PCDHA2: variants seen among roughly 807,000 people sequenced by gnomAD.
PCDHA2 encodes protocadherin alpha-2.
PCDHA2 carries 58 observed loss-of-function variants against 66.0 expected under a neutral mutation model. That is an observed-to-expected ratio of 0.88 (90% CI 0.71 to 1.09). The LOEUF (loss-of-function observed/expected upper bound fraction) is 1.09. PCDHA2 is among the 50% of genes least tolerant of loss of function. PCDHA2 has a pLI of 0.00. For missense variants in PCDHA2, 1,267 were observed against 1,242.3 expected (o/e 1.02, Z -0.30); for synonymous variants, 634 against 554.0 (o/e 1.14, Z -2.03).
chr5:140,828,245 C>G lies in PCDHA2; in HGVS notation c.2388+30893C>G, dbSNP rs1354249187. On this transcript the variant is annotated intron_variant, in intron 1 of 3. Coordinates refer to ENST00000526136, the MANE Select transcript of PCDHA2 (RefSeq NM_018905.3). Reference sequence around the variant, plus strand: ...CTTCGTGGGCCGGATCGCGCAGGACCTGGGGCTGGAGCTGGCGGAGCTGGT... The same window carrying G: ...CTTCGTGGGCCGGATCGCGCAGGACGTGGGGCTGGAGCTGGCGGAGCTGGT... 59 of 1,613,838 alleles carry G rather than the reference C, an allele frequency of 3.7e-5. No individual in the cohort carries two copies. The highest frequency in any genetic ancestry group is 4.7e-5 in the Non-Finnish European group (55 of 1,180,056).
intron 1 of PCDHA2, among the ~76,000 whole-genome samples, chr5:140,844,660 A>G (rs1779489979): frequency 1.3e-5 from 2 of 149,622 alleles, no homozygotes; most frequent in African/African-American, 4.9e-5. Flanking sequence ...TGCAAACCAA[A>G]CATATAATTT....
chr5:140,938,484 A>G (rs914020751), intron 1 of PCDHA2, among the ~76,000 whole-genome samples: 14 of 152,182 alleles, frequency 9.2e-5, no homozygotes, highest in African/African-American at 2.9e-4. Flanking sequence ...TTTAAAAATC[A>G]TGAATAGGCA....
intron 1 of PCDHA2, among the ~76,000 whole-genome samples, chr5:140,923,228 C>A (rs2338302): frequency 1.4e-5 from 1 of 71,808 alleles, no homozygotes; most frequent in South Asian, 4.8e-4. Context: ...TCGTTTGAGC[C>A]CAGAAGTTTG....
chr5:140,841,896 T>C (rs2150325058), intron 1 of PCDHA2: 14 of 1,613,838 alleles, frequency 8.7e-6, no homozygotes, highest in Non-Finnish European at 1.0e-5. Flanking sequence ...AATAAACTGG[T>C]TGAGCTCGTA....
At chr5:140,887,930 A>G (rs1276226662) in intron 1 of PCDHA2, among the ~76,000 whole-genome samples, 1 of 152,096 alleles carries the variant, frequency 6.6e-6, no homozygotes, top group Non-Finnish European at 1.5e-5. Context: ...CAGAGACCAT[A>G]TTTATTTCTT....
chr5:140,920,722 C>T (rs2079784294), intron 1 of PCDHA2, among the ~76,000 whole-genome samples: 1 of 151,872 alleles, frequency 6.6e-6, no homozygotes, highest in Non-Finnish European at 1.5e-5. Context: ...TGTGCGCCTG[C>T]AGTCCCAGCT....
At chr5:140,926,804 C>T (rs1298226109) in intron 1 of PCDHA2, 4 of 1,455,652 alleles carry the variant, frequency 2.7e-6, no homozygotes, top group East Asian at 2.5e-5. Context: ...TGCTCTTCCC[C>T]GCGGCTCGTG....
intron 1 of PCDHA2, chr5:140,858,613 T>A (rs953930839): frequency 8.3e-7 from 1 of 1,208,634 alleles, no homozygotes; most frequent in Non-Finnish European, 1.1e-6. Context: ...AATTTTTTTA[T>A]CCTACCCAGT....
intron 1 of PCDHA2, chr5:140,808,212 A>T (rs1764119362): frequency 6.2e-7 from 1 of 1,614,118 alleles, no homozygotes; most frequent in South Asian, 1.1e-5. Flanking sequence ...GAAGTAGAAG[A>T]CAACAACGAT....
chr5:140,831,281 C>T (rs1312764536), intron 1 of PCDHA2: 1 of 152,158 alleles, frequency 6.6e-6, no homozygotes, highest in Admixed American at 6.6e-5. Context: ...ATGGTCTTCT[C>T]TTCATGGAGT....
intron 1 of PCDHA2, among the ~76,000 whole-genome samples, chr5:140,948,548 A>G (rs1300192349): frequency 6.6e-6 from 1 of 151,532 alleles, no homozygotes; most frequent in Non-Finnish European, 1.5e-5. Flanking sequence ...TGCTCTGTCA[A>G]TTTTGTTAAG....
In PCDHA2 at chr5:140,795,270, T is replaced by C. The variant is rs782179439; in HGVS notation, c.306T>C (p.Cys102=). ...REELCGRSAE[C]SIHVEVIVDR... is the part of the protein sequence containing the mutation. ...AGCTGTGCGGGCGGAGCGCGGAATG[T>C]AGCATCCACGTGGAGGTGATCGTGG... Residue 102 remains cysteine, a synonymous_variant, in exon 1 of 4, where the codon TGT becomes TGC. Transcript: ENST00000526136. 27 of 1,614,088 alleles carry C rather than the reference T, an allele frequency of 1.7e-5. No individual in the cohort carries two copies. The highest frequency in any genetic ancestry group is 1.3e-4 in the African/African-American group (10 of 74,944).
chr5:140,843,708 G>A, intron 1 of PCDHA2: 1 of 1,577,200 alleles, frequency 6.3e-7, no homozygotes, highest in South Asian at 1.1e-5. Context: ...GTTGATCATG[G>A]CCTCAAAGTA....
At chr5:140,892,678 A>G (rs1381127232) in intron 1 of PCDHA2, among the ~76,000 whole-genome samples, 2 of 152,216 alleles carry the variant, frequency 1.3e-5, no homozygotes, top group Middle Eastern at 3.2e-3. Context: ...ACATATATAC[A>G]ATGTATAATA....
intron 1 of PCDHA2, chr5:140,870,906 C>T (rs201710263): frequency 1.2e-6 from 2 of 1,613,948 alleles, no homozygotes; most frequent in African/African-American, 2.7e-5. Flanking sequence ...CGGACTCAGG[C>T]TACAACGCGT....
intron 1 of PCDHA2, among the ~76,000 whole-genome samples, chr5:140,886,387 T>C (rs1245808319): frequency 2.6e-5 from 4 of 152,234 alleles, no homozygotes; most frequent in African/African-American, 9.6e-5. Flanking sequence ...GCTTATCTAT[T>C]ATCTGCATCA....
chr5:140,862,657 C>T (rs2047475881), intron 1 of PCDHA2: 2 of 545,364 alleles, frequency 3.7e-6, no homozygotes, highest in South Asian at 2.8e-5. Context: ...CGCGCGGGAC[C>T]GGGACGCGCA....
Position 141,010,149 on chromosome 5 carries a change from C to T in PCDHA2, c.*212C>T. 6.3e-7 allele frequency: 1 copy of T among 1,580,088 alleles called. No individual in the cohort carries two copies. Among genetic ancestry groups the T allele is most frequent in the Non-Finnish European group, 8.6e-7 (1 of 1,161,942 alleles). On this transcript the variant is annotated 3_prime_UTR_variant, in exon 4 of 4. Transcript: ENST00000526136. ...GTCTGGTGTTAACTCTTTCTCTCCA[C>T]TCTGGCTTGTTTTCAGAACCTAAAA...
chr5:140,803,201 G>A (rs1187418023), intron 1 of PCDHA2: 3 of 1,613,778 alleles, frequency 1.9e-6, no homozygotes, highest in African/African-American at 1.3e-5. Flanking sequence ...TGCTGGTGTC[G>A]CTGGTGGAGA....
Sources: allele counts gnomAD v4.1 joint callset (sites outside exome capture counted in the v4.1 genomes callset), GRCh38; gene constraint gnomAD v4.1.1; transcripts MANE v1.5; gene names NCBI Gene and HGNC (gene_info 2026-07-23, HGNC 2026-07-21).